CYB5R4: variants seen among roughly 807,000 people sequenced by gnomAD.
The protein encoded by CYB5R4 is cytochrome b5 reductase 4.
In CYB5R4, 55 loss-of-function variants were observed where a neutral mutation model predicts 70.2. The ratio of observed to expected loss-of-function variants is 0.78; its 90% CI spans 0.63 to 0.98. The LOEUF is 0.98. Among genes scored for constraint, CYB5R4 ranks in the 50% least tolerant of loss-of-function variants. CYB5R4 has a pLI of 0.00. For synonymous variants in CYB5R4, 197 were observed against 199.5 expected, an observed-to-expected ratio of 0.99 and a Z score of 0.11; for missense variants, 562 against 612.6, an observed-to-expected ratio of 0.92 and a Z score of 0.87.
Position 83,864,297 on chromosome 6 carries a change from C to CA in CYB5R4, c.204dup (p.Asp69ArgfsTer2). 6.2e-7 allele frequency: 1 copy of CA among 1,611,702 alleles called. No individual in the cohort carries two copies. Among genetic ancestry groups the CA allele is most frequent in the Non-Finnish European group, 8.5e-7 (1 of 1,179,038 alleles). ...CTGAAGAAGAACTTAAGAAACACAACAAAAAAGATGATTGTTGGATATGCA... is the reference window on the plus strand; with the variant it reads ...CTGAAGAAGAACTTAAGAAACACAACAAAAAAAGATGATTGTTGGATATGCA... On this transcript the variant is annotated frameshift_variant, in exon 2 of 16. Coordinates refer to ENST00000369681, the MANE Select transcript of CYB5R4 (RefSeq NM_016230.4). LOFTEE classifies it high-confidence loss of function.
chr6:83,915,389 C>G (rs994788611), intron 5 of CYB5R4, among the ~76,000 whole-genome samples: 1 of 152,178 alleles, frequency 6.6e-6, no homozygotes, highest in Admixed American at 6.5e-5. Flanking sequence ...CTAATTTATG[C>G]AATTTATAGT....
chr6:83,932,724 A>G (rs138823173), intron 10 of CYB5R4, among the ~76,000 whole-genome samples: 377 of 152,224 alleles, frequency 2.5e-3, no homozygotes, highest in African/African-American at 7.5e-3. Context: ...CTTCTATCCA[A>G]GGAGTGGCCA....
At chr6:83,887,063 T>C (rs1456939440) in intron 2 of CYB5R4, among the ~76,000 whole-genome samples, 6 of 152,108 alleles carry the variant, frequency 3.9e-5, no homozygotes, top group Admixed American at 6.6e-5. Flanking sequence ...CAAATAAATA[T>C]AAAATGCACA....
chr6:83,950,191 G>GA lies in CYB5R4; in HGVS notation c.1347-5098dup, dbSNP rs892546098. 1.4e-4 allele frequency among the ~76,000 whole-genome samples: 21 copies of GA among 150,552 alleles called. 1 individual carries two copies. The highest frequency in any genetic ancestry group is 4.6e-4 in the Admixed American group (7 of 15,094). Reference sequence around the variant, plus strand: ...TGTCATTAAGTATGAAATCTGAACAGAAAAAAAAATGTGTACCCAAATTTT... The same window carrying GA: ...TGTCATTAAGTATGAAATCTGAACAGAAAAAAAAAATGTGTACCCAAATTTT... On this transcript the variant is annotated intron_variant, in intron 14 of 15. Transcript: ENST00000369681.
chr6:83,884,244 C>T, intron 2 of CYB5R4, among the ~76,000 whole-genome samples: 1 of 151,090 alleles, frequency 6.6e-6, no homozygotes, highest in East Asian at 1.9e-4. Flanking sequence ...TTGTGTGCAC[C>T]CATGTGTAGA....
At chr6:83,862,480 G>T (rs2099456104) in intron 1 of CYB5R4, among the ~76,000 whole-genome samples, 1 of 152,190 alleles carries the variant, frequency 6.6e-6, no homozygotes, top group African/African-American at 2.4e-5. Context: ...AATGGGAGTT[G>T]GAGTGAGGTT....
Position 83,946,326 on chromosome 6 carries a change from G to A in CYB5R4, c.1346+5725G>A, listed in dbSNP as rs377089165. Among the ~76,000 whole-genome samples the A allele has an allele frequency of 1.3e-3, 193 of 152,166 alleles. 5 individuals carry two copies. The South Asian group carries it at 0.019, about 15-fold the overall frequency. On this transcript the variant is annotated intron_variant, in intron 14 of 15. Coordinates refer to ENST00000369681, the MANE Select transcript of CYB5R4 (RefSeq NM_016230.4). ...AAACAGAACTGATGACAAAAACCAC[G>A]TGATGATCTCAATAGATGCAGAAAA...
At chr6:83,952,905 A>C (rs374500099) in intron 14 of CYB5R4, among the ~76,000 whole-genome samples, 91 of 152,238 alleles carry the variant, frequency 6.0e-4, no homozygotes, top group African/African-American at 2.1e-3. Context: ...TGGCAGTTCC[A>C]TTTAAGTTAG....
chr6:83,963,001 T>TTTTTAAGCTTTTAAGATC lies in CYB5R4; in HGVS notation c.*3124_*3125insTTTAAGCTTTTAAGATCT, dbSNP rs2099473565. ...CATATCTTTCTTGCCCTAGCAAGAG[T>TTTTTAAGCTTTTAAGATC]TCACTGCTTTTAAGATCTCATGTGG... On this transcript the variant is annotated 3_prime_UTR_variant, in exon 16 of 16. Transcript: ENST00000369681. 2 of 152,174 alleles carry TTTTTAAGCTTTTAAGATC rather than the reference T, an allele frequency of 1.3e-5. No homozygotes were observed. Among genetic ancestry groups the TTTTTAAGCTTTTAAGATC allele is most frequent in the Admixed American group, 6.5e-5 (1 of 15,272 alleles). The allele number at this position is 152,174 out of a possible 1,614,324, so 9.4% of individuals were successfully genotyped here.
At chr6:83,890,059 C>T (rs372452038) in intron 2 of CYB5R4, among the ~76,000 whole-genome samples, 272 of 152,278 alleles carry the variant, frequency 1.8e-3, no homozygotes, top group African/African-American at 6.3e-3. Flanking sequence ...CCTTCTAACA[C>T]GGCATCCATC....
chr6:83,939,820 C>T lies in CYB5R4; in HGVS notation c.1109-236C>T, dbSNP rs61756912. On this transcript the variant is annotated intron_variant, in intron 12 of 15. Coordinates refer to ENST00000369681, the MANE Select transcript of CYB5R4 (RefSeq NM_016230.4). ...GGTGGGAAATTATATCATAAAACCT[C>T]ATTATTAATTTGACTGTAATGATAT... is the stretch of plus-strand genomic sequence containing the variant. Among the ~76,000 whole-genome samples the T allele has an allele frequency of 3.8e-3, 582 of 152,180 alleles. 2 individuals are homozygous for T. Among genetic ancestry groups the T allele is most frequent in the African/African-American group, 0.013 (537 of 41,534 alleles).
At chr6:83,952,599 A>G (rs545978004) in intron 14 of CYB5R4, among the ~76,000 whole-genome samples, 3 of 152,146 alleles carry the variant, frequency 2.0e-5, no homozygotes, top group African/African-American at 7.2e-5. Flanking sequence ...ATTGTGCATG[A>G]AGGAGAATGA....
chr6:83,925,911 T>C (rs2129140773), intron 10 of CYB5R4, among the ~76,000 whole-genome samples: 1 of 152,334 alleles, frequency 6.6e-6, no homozygotes, highest in Middle Eastern at 3.4e-3. Flanking sequence ...GTTACTCATT[T>C]CTACTCATAT....
At chr6:83,904,575 G>A (rs1277947522) in intron 3 of CYB5R4, among the ~76,000 whole-genome samples, 2 of 152,198 alleles carry the variant, frequency 1.3e-5, no homozygotes, top group Non-Finnish European at 2.9e-5. Flanking sequence ...TAAATCCAAT[G>A]TTTGTTGATT....
At chr6:83,930,015 A>G (rs1297750483) in intron 10 of CYB5R4, among the ~76,000 whole-genome samples, 1 of 152,198 alleles carries the variant, frequency 6.6e-6, no homozygotes, top group Non-Finnish European at 1.5e-5. Context: ...ATGTAAAATT[A>G]TATTTACATT....
intron 4 of CYB5R4, among the ~76,000 whole-genome samples, chr6:83,911,017 T>C (rs943628099): frequency 1.8e-4 from 27 of 152,276 alleles, no homozygotes; most frequent in South Asian, 1.7e-3. Flanking sequence ...ATTACAAAGA[T>C]GAATAGAAGA....
intron 3 of CYB5R4, among the ~76,000 whole-genome samples, chr6:83,901,043 A>G (rs1444192646): frequency 6.6e-6 from 1 of 152,234 alleles, no homozygotes; most frequent in Non-Finnish European, 1.5e-5. Flanking sequence ...TAGCTGATGC[A>G]GTTTCTTCCT....
chr6:83,860,688 A>C (rs1054584163), intron 1 of CYB5R4, among the ~76,000 whole-genome samples: 9 of 152,168 alleles, frequency 5.9e-5, no homozygotes, highest in African/African-American at 2.2e-4. Context: ...CTTGAGTCTT[A>C]GCATCGTTTG....
At chr6:83,866,671 A>T (rs2099456758) in intron 2 of CYB5R4, among the ~76,000 whole-genome samples, 1 of 151,846 alleles carries the variant, frequency 6.6e-6, no homozygotes, top group Non-Finnish European at 1.5e-5. Context: ...GCTGGAGTGC[A>T]GTGGCTTGAT....
Sources: allele counts gnomAD v4.1 joint callset (sites outside exome capture counted in the v4.1 genomes callset), GRCh38; gene constraint gnomAD v4.1.1; transcripts MANE v1.5; gene names NCBI Gene and HGNC (gene_info 2026-07-23, HGNC 2026-07-21).